Variants in WDR45B observed in about 807,000 individuals in gnomAD.
WDR45B encodes the protein WD repeat domain 45B.
In WDR45B, 20 loss-of-function variants were observed where a neutral mutation model predicts 44.6. The observed-to-expected ratio is 0.45, with a 90% CI of 0.32 to 0.65. The LOEUF (loss-of-function observed/expected upper bound fraction) is 0.65. Ranked by LOEUF, WDR45B falls within the 30% of genes least tolerant of loss-of-function variation. WDR45B has a pLI of 0.05. For missense variants in WDR45B, 323 were observed against 430.2 expected, an observed-to-expected ratio of 0.75 and a Z score of 2.20; for synonymous variants, 169 against 164.9, an observed-to-expected ratio of 1.02 and a Z score of -0.19.
chr17:82,637,641 G>A (rs1053135658), intron 2 of WDR45B, among the ~76,000 whole-genome samples: 1 of 152,012 alleles, frequency 6.6e-6, no homozygotes, highest in Non-Finnish European at 1.5e-5. Context: ...TCAATTTGCT[G>A]GCACGGCTCA....
At chr17:82,641,026 C>T (rs1293725969) in intron 2 of WDR45B, among the ~76,000 whole-genome samples, 5 of 136,090 alleles carry the variant, frequency 3.7e-5, no homozygotes, top group African/African-American at 1.4e-4. Flanking sequence ...AGTGCAGTGG[C>T]GCAATCTCGG....
intron 5 of WDR45B, among the ~76,000 whole-genome samples, chr17:82,624,270 CT>C (rs1229113826): frequency 2.6e-5 from 4 of 152,146 alleles, no homozygotes; most frequent in Non-Finnish European, 5.9e-5. Flanking sequence ...GGAGAAGAGA[CT>C]GTTCTTTTTT....
At chr17:82,633,953 A>C (rs2045800465) in intron 2 of WDR45B, among the ~76,000 whole-genome samples, 1 of 151,592 alleles carries the variant, frequency 6.6e-6, no homozygotes, top group African/African-American at 2.4e-5. Flanking sequence ...GTTTGAAACC[A>C]GCTTGGCCAA....
rs1233731014 is a variant in WDR45B, at chr17:82,614,888, T to C, written c.*1031A>G. The C allele has an allele frequency of 6.6e-6, 1 of 152,100 alleles. No homozygotes were observed. Among genetic ancestry groups the C allele is most frequent in the Non-Finnish European group, 1.5e-5 (1 of 68,016 alleles). 9.4% of individuals were successfully genotyped at this position (152,100 alleles called of 1,614,324 possible). A position where few individuals can be genotyped will look rare whatever the true frequency, so the allele number is the denominator to read the frequency against. ...TAGAGCCCATAACCTAGTTACCAAA[T>C]GTTAAAAAAAGTTATGTGCCTCTCC... On this transcript the variant is annotated 3_prime_UTR_variant, in exon 10 of 10. Coordinates refer to ENST00000392325, the MANE Select transcript of WDR45B (RefSeq NM_019613.4).
intron 2 of WDR45B, among the ~76,000 whole-genome samples, chr17:82,643,134 C>T (rs763460037): frequency 2.6e-5 from 4 of 152,166 alleles, no homozygotes; most frequent in African/African-American, 4.8e-5. Flanking sequence ...CCTTATTTCA[C>T]GTACAAAGAA....
At chr17:82,619,315 G>A (rs1390710055) in intron 6 of WDR45B, among the ~76,000 whole-genome samples, 187 bp from the exon 7 acceptor site, 2 of 152,140 alleles carry the variant, frequency 1.3e-5, no homozygotes, top group African/African-American at 4.8e-5. Flanking sequence ...CGAGTTGGTT[G>A]GTGGCTCCTG....
At chr17:82,646,391 A>C (rs1817603887) in intron 1 of WDR45B, among the ~76,000 whole-genome samples, 1 of 148,082 alleles carries the variant, frequency 6.8e-6, no homozygotes, top group South Asian at 2.2e-4. Flanking sequence ...GGAGGCTGAG[A>C]CAGGAGAATT....
At chr17:82,636,378 G>C (rs530090481) in intron 2 of WDR45B, 4 of 151,796 alleles carry the variant, frequency 2.6e-5, no homozygotes, top group Non-Finnish European at 5.9e-5. Context: ...TCAGAATCAA[G>C]TGAAGAGGCA....
At chr17:82,644,208 G>A (rs1217008589) in intron 1 of WDR45B, 185 bp from the exon 2 acceptor site, 3 of 662,946 alleles carry the variant, frequency 4.5e-6, no homozygotes, top group Non-Finnish European at 8.1e-6. Context: ...ATCCATGCAG[G>A]GCATTTTGTT....
intron 7 of WDR45B, 30 bp from the exon 8 acceptor site, chr17:82,617,427 T>C: frequency 6.2e-7 from 1 of 1,609,568 alleles, no homozygotes; most frequent in Non-Finnish European, 8.5e-7. Context: ...AGCTCAGGCC[T>C]TGTGTGGATG....
At chr17:82,641,562 A>G (rs1365370701) in intron 2 of WDR45B, among the ~76,000 whole-genome samples, 1 of 152,190 alleles carries the variant, frequency 6.6e-6, no homozygotes, top group Non-Finnish European at 1.5e-5. Flanking sequence ...CACCCTGCAC[A>G]CTAGGAGAAG....
chr17:82,615,437 CT>C lies in WDR45B; in HGVS notation c.*481del, dbSNP rs34065574. On this transcript the variant is annotated 3_prime_UTR_variant, in exon 10 of 10. Transcript: ENST00000392325. The stretch of plus-strand genomic sequence containing the variant: ...GGGCGGGAAAAGGAATTCCTTTCTC[CT>C]TTTCTAAGGCAAGCTGCTGGTGTTG... The C allele has an allele frequency of 4.8e-4, 91 of 190,738 alleles. No homozygotes were observed. The highest frequency in any genetic ancestry group is 2.0e-3 in the African/African-American group (86 of 42,756). 11.8% of individuals were successfully genotyped at this position (190,738 alleles called of 1,614,324 possible).
chr17:82,617,676 G>C (rs766211463), intron 7 of WDR45B, among the ~76,000 whole-genome samples: 1 of 152,192 alleles, frequency 6.6e-6, no homozygotes, highest in Non-Finnish European at 1.5e-5. Context: ...AGAGGGAAGG[G>C]ACTTCTTGCA....
At chr17:82,627,720 C>T (rs1260856272) in intron 3 of WDR45B, among the ~76,000 whole-genome samples, 5 of 152,262 alleles carry the variant, frequency 3.3e-5, no homozygotes, top group East Asian at 1.9e-4. Flanking sequence ...CGGTCTCAGG[C>T]GACCCACTGG....
chr17:82,634,871 G>A (rs115858327), intron 2 of WDR45B, among the ~76,000 whole-genome samples: 1 of 152,114 alleles, frequency 6.6e-6, no homozygotes, highest in African/African-American at 2.4e-5. Context: ...CCGGCCTGAA[G>A]TTCTGACCCA....
At chr17:82,626,639 TTAGAG>T (rs1320924081) in intron 4 of WDR45B, 1 of 155,302 alleles carries the variant, frequency 6.4e-6, no homozygotes, top group Non-Finnish European at 1.4e-5. Context: ...GATGGAAATC[TTAGAG>T]TAAAATATGC....
In WDR45B at chr17:82,615,541, C is replaced by T. The variant is rs2045520295; in HGVS notation, c.*378G>A. 2 of 312,520 alleles carry T rather than the reference C, an allele frequency of 6.4e-6. No homozygotes were observed. Among genetic ancestry groups the T allele is most frequent in the South Asian group, 3.3e-5 (1 of 30,352 alleles). 19.4% of individuals were successfully genotyped at this position (312,520 alleles called of 1,614,324 possible). A position where few individuals can be genotyped will look rare whatever the true frequency, so the allele number is the denominator to read the frequency against. ...CCCGCTGCAGACTCAGTAAGAACGACGGAATCTGCTGCAAAAACAAACCTG... is the reference window on the plus strand; with the variant it reads ...CCCGCTGCAGACTCAGTAAGAACGATGGAATCTGCTGCAAAAACAAACCTG... On this transcript the variant is annotated 3_prime_UTR_variant, in exon 10 of 10. Transcript: ENST00000392325.
chr17:82,621,210 T>C (rs1335395359), intron 6 of WDR45B, among the ~76,000 whole-genome samples: 1 of 152,084 alleles, frequency 6.6e-6, no homozygotes, highest in Non-Finnish European at 1.5e-5. Flanking sequence ...CACACCACCA[T>C]GCCTGGCTAA....
chr17:82,643,972 G>A lies in WDR45B; in HGVS notation c.119C>T (p.Pro40Leu), dbSNP rs769613923. ...ENGFRVYNTD[P>L]LKEKEKQEFL... is the part of the protein sequence containing the mutation. ...ACCTTGTTTCTCTTTTTCTTTTAGT[G>A]GATCAGTGTTATAGACTCGGAATCC... Residue 40 changes from proline to leucine, a missense_variant, in exon 2 of 10, where the codon CCA (proline) becomes CTA (leucine). Transcript: ENST00000392325. 4 of 1,614,054 alleles carry A rather than the reference G, an allele frequency of 2.5e-6. No individual in the cohort carries two copies. The East Asian group carries it at 8.9e-5, about 36-fold the overall frequency.
Sources: gnomAD v4.1 joint callset for allele counts (sites outside exome capture counted in the v4.1 genomes callset) on GRCh38, gnomAD v4.1.1 for gene constraint, MANE v1.5 for transcripts, NCBI Gene and HGNC (gene_info 2026-07-23, HGNC 2026-07-21) for gene names.